Variants in FAM110B observed in about 807,000 individuals in gnomAD.
FAM110B encodes protein FAM110B.
Under a neutral mutation model 20.4 loss-of-function variants are expected in FAM110B, and 6 were observed. The ratio of observed to expected loss-of-function variants is 0.29; its 90% CI spans 0.16 to 0.58. The LOEUF (loss-of-function observed/expected upper bound fraction) is 0.58, where lower values mean the gene tolerates loss of function less well. Among genes scored for constraint, FAM110B ranks in the 20% least tolerant of loss-of-function variants. FAM110B has a pLI of 0.90. For synonymous variants in FAM110B, 226 were observed against 214.1 expected (o/e 1.06, Z -0.49); for missense variants, 434 against 498.2 (o/e 0.87, Z 1.23).
intron 1 of FAM110B, among the ~76,000 whole-genome samples, chr8:58,025,043 A>T (rs1585820350): frequency 6.6e-6 from 1 of 152,332 alleles, no homozygotes; most frequent in African/African-American, 2.4e-5. Flanking sequence ...TGGCTAATTT[A>T]CTATCTTGGA....
intron 3 of FAM110B, among the ~76,000 whole-genome samples, chr8:58,099,355 A>T (rs913869529): frequency 8.1e-5 from 12 of 147,492 alleles, no homozygotes; most frequent in African/African-American, 2.3e-4. Flanking sequence ...TCCAAAATTT[A>T]AAAAAAAAAA....
At chr8:58,078,845 C>T (rs938529324) in intron 3 of FAM110B, among the ~76,000 whole-genome samples, 22 of 152,104 alleles carry the variant, frequency 1.4e-4, no homozygotes, top group East Asian at 9.7e-4. Flanking sequence ...CCACCGCGCC[C>T]GGCCAGATTT....
At chr8:58,111,546 T>C (rs1807057471) in intron 3 of FAM110B, among the ~76,000 whole-genome samples, 1 of 152,160 alleles carries the variant, frequency 6.6e-6, no homozygotes, top group South Asian at 2.1e-4. Context: ...ACAGAAGGTG[T>C]TTATGTGTAT....
chr8:58,003,261 C>A (rs1804336680), intron 1 of FAM110B, among the ~76,000 whole-genome samples: 1 of 152,168 alleles, frequency 6.6e-6, no homozygotes, highest in African/African-American at 2.4e-5. Context: ...AACTCTAGTT[C>A]TCTTGCTATT....
chr8:58,074,690 C>T (rs1009520945), intron 2 of FAM110B, among the ~76,000 whole-genome samples: 1 of 152,110 alleles, frequency 6.6e-6, no homozygotes, highest in Non-Finnish European at 1.5e-5. Context: ...ATTAATGATT[C>T]CCGGCATGGG....
chr8:58,138,228 C>T (rs938777518), intron 3 of FAM110B, among the ~76,000 whole-genome samples: 25 of 152,370 alleles, frequency 1.6e-4, no homozygotes, highest in South Asian at 4.1e-4. Context: ...GAGGCAGCCA[C>T]GCCTCTGCTC....
intron 2 of FAM110B, among the ~76,000 whole-genome samples, chr8:58,065,195 C>G (rs1014153929): frequency 6.6e-6 from 1 of 152,080 alleles, no homozygotes; most frequent in Non-Finnish European, 1.5e-5. Flanking sequence ...TGATTTTGGA[C>G]AGTAAGTGCA....
intron 2 of FAM110B, among the ~76,000 whole-genome samples, chr8:58,053,644 A>G (rs1159080058): frequency 2.0e-5 from 3 of 152,254 alleles, no homozygotes; most frequent in Non-Finnish European, 4.4e-5. Flanking sequence ...CAGTATAGAT[A>G]GGCAAGAAAA....
At chr8:58,065,648 A>T (rs892742579) in intron 2 of FAM110B, among the ~76,000 whole-genome samples, 1 of 152,060 alleles carries the variant, frequency 6.6e-6, no homozygotes, top group African/African-American at 2.4e-5. Flanking sequence ...TCCAGTTACT[A>T]TGCCCATGGG....
At chr8:58,046,071 GC>G (rs757502473) in intron 2 of FAM110B, among the ~76,000 whole-genome samples, 2 of 152,096 alleles carry the variant, frequency 1.3e-5, no homozygotes. Context: ...TCTCCCAAAG[GC>G]CCCATGTTCT....
At chr8:58,105,384 A>G (rs146907608) in intron 3 of FAM110B, among the ~76,000 whole-genome samples, 2 of 152,054 alleles carry the variant, frequency 1.3e-5, no homozygotes, top group Admixed American at 6.6e-5. Flanking sequence ...TTTTTATTGC[A>G]TTTAAAAGGA....
intron 3 of FAM110B, among the ~76,000 whole-genome samples, chr8:58,129,869 T>C (rs1007306189): frequency 6.6e-6 from 1 of 152,226 alleles, no homozygotes; most frequent in African/African-American, 2.4e-5. Flanking sequence ...TTTTCTTAGA[T>C]TTAATCTACT....
intron 3 of FAM110B, among the ~76,000 whole-genome samples, chr8:58,103,002 G>GAAAA (rs60027491): frequency 1.6e-4 from 16 of 99,282 alleles, no homozygotes; most frequent in South Asian, 8.4e-4. Context: ...TGCTTGTTAT[G>GAAAA]AAAAAAAAAA....
chr8:58,141,026 T>C (rs1201800962), intron 3 of FAM110B, among the ~76,000 whole-genome samples: 1 of 152,230 alleles, frequency 6.6e-6, no homozygotes, highest in Non-Finnish European at 1.5e-5. Context: ...TCTTGTATTG[T>C]AAATGAATCT....
intron 1 of FAM110B, among the ~76,000 whole-genome samples, chr8:58,019,721 C>A (rs1324145765): frequency 6.6e-6 from 1 of 151,988 alleles, no homozygotes; most frequent in Non-Finnish European, 1.5e-5. Flanking sequence ...TCATTATTAT[C>A]TTTGTTACCT....
chr8:58,041,361 T>C (rs1805216597), intron 2 of FAM110B, among the ~76,000 whole-genome samples: 4 of 152,156 alleles, frequency 2.6e-5, no homozygotes, highest in South Asian at 2.1e-4. Context: ...ATCTAAAAGG[T>C]GATGATAGTT....
intron 1 of FAM110B, among the ~76,000 whole-genome samples, chr8:57,997,648 A>G (rs1379676604): frequency 1.3e-5 from 2 of 152,248 alleles, no homozygotes; most frequent in East Asian, 1.9e-4. Flanking sequence ...GGTATGATGC[A>G]GTGAGAATTG....
chr8:58,097,945 G>A, intron 3 of FAM110B, among the ~76,000 whole-genome samples: 1 of 152,212 alleles, frequency 6.6e-6, no homozygotes, highest in East Asian at 1.9e-4. Flanking sequence ...TTGTCCCAGA[G>A]GGGCACCCGC....
Position 58,147,213 on chromosome 8 carries a change from T to A in FAM110B, c.983T>A (p.Leu328His), listed in dbSNP as rs751746882. ...CAGTCTCAGGACAGTAACAGTGACCTTAGAAATGATGACAGTGCCAATGAC... is the reference window on the plus strand; with the variant it reads ...CAGTCTCAGGACAGTAACAGTGACCATAGAAATGATGACAGTGCCAATGAC... ...CEQSQDSNSD[L>H]RNDDSANDRV... Residue 328 changes from leucine (L) to histidine (H), a missense_variant, in exon 4 of 4, where the codon CTT becomes CAT. This residue lies in a region of FAM110B where 94 missense variants were observed against 137.8 expected (regional missense o/e 0.68). Coordinates refer to ENST00000519262, the MANE Select transcript of FAM110B (RefSeq NM_001377989.1). The A allele has an allele frequency of 3.7e-6, 6 of 1,613,974 alleles. No individual in the cohort carries two copies. Among genetic ancestry groups the A allele is most frequent in the Non-Finnish European group, 5.1e-6 (6 of 1,180,016 alleles).
Sources: gnomAD v4.1 joint callset for allele counts (sites outside exome capture counted in the v4.1 genomes callset) on GRCh38, gnomAD v4.1.1 for gene constraint, gnomAD v4.1.1 regional missense constraint, MANE v1.5 for transcripts, NCBI Gene and HGNC (gene_info 2026-07-23, HGNC 2026-07-21) for gene names.